The following KANSL1L variants were observed in gnomAD, a reference collection of about 807,000 sequenced individuals.
KANSL1L encodes KAT8 regulatory NSL complex subunit 1 like, also known as KAT8 regulatory NSL complex subunit 1-like protein.
In KANSL1L, 25 loss-of-function variants were observed where a neutral mutation model predicts 108.6. The ratio of observed to expected loss-of-function variants is 0.23; its 90% CI spans 0.17 to 0.32. The LOEUF is 0.32. Ranked by LOEUF, KANSL1L falls within the 10% of genes least tolerant of loss-of-function variation. The pLI is 1.00. For missense variants in KANSL1L, 1,137 were observed against 1,125.7 expected, an observed-to-expected ratio of 1.01 and a Z score of -0.14; for synonymous variants, 405 against 395.1, an observed-to-expected ratio of 1.03 and a Z score of -0.30.
chr2:210,119,572 AAAG>A (rs1465212090), intron 3 of KANSL1L, among the ~76,000 whole-genome samples: 6 of 152,314 alleles, frequency 3.9e-5, no homozygotes, highest in South Asian at 4.1e-4. Context: ...ATATCAACAG[AAAG>A]AAGGACAAAA....
chr2:210,033,300 G>T (rs530223454), intron 8 of KANSL1L, among the ~76,000 whole-genome samples: 1 of 152,298 alleles, frequency 6.6e-6, no homozygotes, highest in East Asian at 1.9e-4. Flanking sequence ...AAACAGCATG[G>T]CAGGAGTAAT....
chr2:210,105,994 G>C (rs1168277149), intron 3 of KANSL1L, among the ~76,000 whole-genome samples: 1 of 152,054 alleles, frequency 6.6e-6, no homozygotes, highest in Non-Finnish European at 1.5e-5. Flanking sequence ...ACACACAAAA[G>C]GTACAATTTA....
At chr2:210,025,920 A>G (rs1197704497) in intron 12 of KANSL1L, among the ~76,000 whole-genome samples, 1 of 152,208 alleles carries the variant, frequency 6.6e-6, no homozygotes, top group Non-Finnish European at 1.5e-5. Flanking sequence ...TCCATTTGCC[A>G]TAGCTTAGTA....
chr2:210,158,301 A>G (rs561628404), intron 1 of KANSL1L, among the ~76,000 whole-genome samples: 5 of 152,114 alleles, frequency 3.3e-5, no homozygotes, highest in Admixed American at 2.0e-4. Context: ...AAAGACCCAC[A>G]TGGTATAGAA....
intron 6 of KANSL1L, among the ~76,000 whole-genome samples, chr2:210,046,739 G>C (rs1367911014): frequency 6.6e-6 from 1 of 152,048 alleles, no homozygotes; most frequent in Non-Finnish European, 1.5e-5. Flanking sequence ...TGGGGTCAAG[G>C]GCCTGTGGCT....
chr2:210,028,785 G>T, intron 11 of KANSL1L, 60 bp downstream of exon 11: 1 of 1,258,856 alleles, frequency 7.9e-7, no homozygotes, highest in Non-Finnish European at 1.1e-6. Flanking sequence ...TCTTCACTTT[G>T]AAAATTTAAG....
At chr2:210,045,219 A>G (rs941073315) in intron 6 of KANSL1L, among the ~76,000 whole-genome samples, 40 of 152,196 alleles carry the variant, frequency 2.6e-4, no homozygotes, top group African/African-American at 8.9e-4. Context: ...TATTTCATTG[A>G]TTCCTACTTT....
intron 4 of KANSL1L, chr2:210,103,896 A>C (rs925370130): frequency 1.3e-5 from 4 of 300,412 alleles, no homozygotes; most frequent in Non-Finnish European, 2.4e-5. Flanking sequence ...CCATTACTTT[A>C]CATATTATAT....
chr2:210,021,456 A>G lies in KANSL1L; in HGVS notation c.*1493T>C, dbSNP rs556240732. 1 of 152,710 alleles carries G rather than the reference A, an allele frequency of 6.5e-6. No individual in the cohort carries two copies. The highest frequency in any genetic ancestry group is 1.5e-5 in the Non-Finnish European group (1 of 67,986). 9.5% of individuals were successfully genotyped at this position (152,710 alleles called of 1,614,324 possible). ...ATAACTTTAATTAAAAAACTTACAT[A>G]GAAGATTATAATATCAGACGTGACA... On this transcript the variant is annotated 3_prime_UTR_variant, in exon 15 of 15. Transcript: ENST00000281772.
At chr2:210,092,417 C>G (rs906206414) in intron 5 of KANSL1L, among the ~76,000 whole-genome samples, 9 of 152,178 alleles carry the variant, frequency 5.9e-5, no homozygotes, top group African/African-American at 1.9e-4. Context: ...CACACATTCT[C>G]TCTTCAACTG....
chr2:210,062,438 A>G (rs2094429898), intron 6 of KANSL1L, among the ~76,000 whole-genome samples: 1 of 152,244 alleles, frequency 6.6e-6, no homozygotes, highest in Admixed American at 6.5e-5. Context: ...CTTAGAAGAT[A>G]CCCAAAAATG....
chr2:210,063,511 C>G (rs890652061), intron 6 of KANSL1L, among the ~76,000 whole-genome samples: 1 of 152,180 alleles, frequency 6.6e-6, no homozygotes, highest in African/African-American at 2.4e-5. Flanking sequence ...GTGAAAGCAG[C>G]CAGGAAGGGG....
intron 2 of KANSL1L, among the ~76,000 whole-genome samples, chr2:210,130,913 A>G (rs2095114286): frequency 6.6e-6 from 1 of 152,022 alleles, no homozygotes; most frequent in South Asian, 2.1e-4. Context: ...ATGAAAAAAA[A>G]GTCAGGAAAA....
chr2:210,156,411 T>C (rs2095333463), intron 1 of KANSL1L, among the ~76,000 whole-genome samples: 1 of 152,024 alleles, frequency 6.6e-6, no homozygotes, highest in Non-Finnish European at 1.5e-5. Context: ...AAAACATCCT[T>C]TCAAAACAAT....
chr2:210,075,584 T>C lies in KANSL1L; in HGVS notation c.1723A>G (p.Arg575Gly). The change falls in exon 6 of 15, where the codon AGA (arginine) becomes GGA (glycine). Residue 575 changes from arginine to glycine, a missense_variant. Around this residue, in one of 3 missense-constraint regions of KANSL1L, gnomAD observed 575 missense variants for 567.1 expected, o/e 1.01. Transcript: ENST00000281772. ...GTCCAATAAAAAGTAGGGCTCAATC[T>C]GTACAGTTTTCGTTTGTGGAAACTC... ...LQSFHKRKLY[R>G]LSPTFYWTPQ... The C allele has an allele frequency of 6.2e-7, 1 of 1,614,096 alleles. No homozygotes were observed. Among genetic ancestry groups the C allele is most frequent in the South Asian group, 1.1e-5 (1 of 91,080 alleles).
chr2:210,099,747 TGGGCCA>T (rs1463815886), intron 4 of KANSL1L, among the ~76,000 whole-genome samples: 1 of 152,154 alleles, frequency 6.6e-6, no homozygotes, highest in Non-Finnish European at 1.5e-5. Context: ...ATGTGAATAA[TGGGCCA>T]GGAAGGGGGA....
intron 2 of KANSL1L, chr2:210,151,581 T>C (rs1468151697): frequency 1.3e-5 from 2 of 152,210 alleles, no homozygotes; most frequent in Non-Finnish European, 2.9e-5. Flanking sequence ...TAGAGTCATA[T>C]ATATGAGCAA....
At chr2:210,074,219 G>A (rs1265288740) in intron 6 of KANSL1L, among the ~76,000 whole-genome samples, 1 of 152,012 alleles carries the variant, frequency 6.6e-6, no homozygotes. Flanking sequence ...TTTCATCTTT[G>A]TTCCAATTAT....
chr2:210,086,030 A>G (rs1228669867), intron 5 of KANSL1L, among the ~76,000 whole-genome samples: 1 of 151,740 alleles, frequency 6.6e-6, no homozygotes, highest in Non-Finnish European at 1.5e-5. Flanking sequence ...ATAATTGAGA[A>G]GTGACTATTG....
Sources: gnomAD v4.1 joint callset for allele counts (sites outside exome capture counted in the v4.1 genomes callset) on GRCh38, gnomAD v4.1.1 for gene constraint, gnomAD v4.1.1 regional missense constraint, MANE v1.5 for transcripts, NCBI Gene and HGNC (gene_info 2026-07-23, HGNC 2026-07-21) for gene names.